GOLGA3: variants seen among roughly 807,000 people sequenced by gnomAD.
GOLGA3 encodes golgin A3, also known as golgin subfamily A member 3.
Under a neutral mutation model 169.4 loss-of-function variants are expected in GOLGA3, and 75 were observed. The observed-to-expected ratio is 0.44, with a 90% CI of 0.37 to 0.54. GOLGA3 has a LOEUF of 0.54. GOLGA3 is among the 20% of genes least tolerant of loss of function. The pLI is 0.00. For synonymous variants in GOLGA3, 824 were observed against 822.4 expected (o/e 1.00, Z -0.03); for missense variants, 1,899 against 1,930.0 (o/e 0.98, Z 0.30).
intron 3 of GOLGA3, among the ~76,000 whole-genome samples, chr12:132,816,177 G>A (rs1006744400): frequency 3.9e-5 from 6 of 152,124 alleles, no homozygotes; most frequent in Non-Finnish European, 7.4e-5. Flanking sequence ...CGGCCTGGGC[G>A]AAAGAGCGAG....
At position 132,773,307 on chromosome 12, in the gene GOLGA3, A is replaced by G. The variant is rs3741484; in HGVS notation, c.4308-13T>C. 1,197,531 of 1,331,994 alleles carry G rather than the reference A, an allele frequency of 0.9. 543,445 individuals are homozygous for G. The highest frequency in any genetic ancestry group is 0.93 in the Non-Finnish European group (945,913 of 1,017,816). 82.5% of individuals were successfully genotyped at this position (1,331,994 alleles called of 1,614,324 possible). On this transcript the variant is annotated splice_polypyrimidine_tract_variant and intron_variant, in intron 23 of 23. Coordinates refer to ENST00000450791, the MANE Select transcript of GOLGA3 (RefSeq NM_001389683.1). Reference sequence around the variant, plus strand: ...GTCCATCTCCTGCCTGGGACAGAAGAAGGAGGAAGAAGGCCCAGATCACAC... The same window carrying G: ...GTCCATCTCCTGCCTGGGACAGAAGGAGGAGGAAGAAGGCCCAGATCACAC...
At position 132,776,941 on chromosome 12, in the gene GOLGA3, C is replaced by G; in HGVS notation, c.3855+17G>C. The G allele has an allele frequency of 6.4e-7, 1 of 1,563,466 alleles. No homozygotes were observed. Among genetic ancestry groups the G allele is most frequent in the Non-Finnish European group, 8.7e-7 (1 of 1,154,732 alleles). On this transcript the variant is annotated intron_variant, in intron 20 of 23. Coordinates refer to ENST00000450791, the MANE Select transcript of GOLGA3 (RefSeq NM_001389683.1). ...CGTGAGTCCAGCCCTGCAAGTCCAG[C>G]CCCCGTGAACCGTCACCTCTTGGTT...
chr12:132,820,098 C>A (rs979738739), intron 2 of GOLGA3, among the ~76,000 whole-genome samples: 3 of 152,112 alleles, frequency 2.0e-5, no homozygotes, highest in African/African-American at 7.2e-5. Flanking sequence ...ATCGCTTGAA[C>A]CCGGGAGGCG....
chr12:132,796,147 T>C lies in GOLGA3; in HGVS notation c.2174A>G (p.Gln725Arg). Residue 725 changes from glutamine (Q) to arginine (R), a missense_variant, in exon 11 of 24, where the codon CAG becomes CGG. Transcript: ENST00000450791. Reference sequence around the variant, plus strand: ...CAGAGCCTCCTGAGTCAAGGTGAGCTGTTTCATCAGGTCCAGGTGCTCCTG... The same window carrying C: ...CAGAGCCTCCTGAGTCAAGGTGAGCCGTTTCATCAGGTCCAGGTGCTCCTG... ...LQQEHLDLMK[Q>R]LTLTQEALQS... The C allele has an allele frequency of 6.2e-7, 1 of 1,610,488 alleles. No homozygotes were observed.
chr12:132,801,402 G>A (rs1949120500), intron 8 of GOLGA3, among the ~76,000 whole-genome samples: 1 of 152,176 alleles, frequency 6.6e-6, no homozygotes, highest in South Asian at 2.1e-4. Context: ...CTGAGACCCA[G>A]GCAGATGAGG....
Position 132,808,119 on chromosome 12 carries a change from C to G in GOLGA3, c.950G>C (p.Ser317Thr), listed in dbSNP as rs764199879. Reference protein sequence around the residue: ...VSEVDGNDSDSSSYSSASTRG... With the variant: ...VSEVDGNDSDTSSYSSASTRG... ...GGTGGAGGCGCTGCTGTACGATGAG[C>G]TGTCGCTGTCATTTCCATCCACCTC... The change falls in exon 5 of 24, where the codon AGC becomes ACC. Residue 317 changes from serine to threonine, a missense_variant. By Grantham distance (58) the Ser-to-Thr change is moderately conservative. Coordinates refer to ENST00000450791, the MANE Select transcript of GOLGA3 (RefSeq NM_001389683.1). 1 of 1,605,386 alleles carries G rather than the reference C, an allele frequency of 6.2e-7. No homozygotes were observed. Among genetic ancestry groups the G allele is most frequent in the Non-Finnish European group, 8.5e-7 (1 of 1,174,698 alleles).
At chr12:132,790,052 C>T (rs980012557) in intron 12 of GOLGA3, among the ~76,000 whole-genome samples, 1 of 151,866 alleles carries the variant, frequency 6.6e-6, no homozygotes, top group Non-Finnish European at 1.5e-5. Context: ...AAATTACAGG[C>T]CGGGCGTGGT....
At chr12:132,775,888 T>TGG (rs1158626875) in intron 21 of GOLGA3, among the ~76,000 whole-genome samples, 3 of 152,252 alleles carry the variant, frequency 2.0e-5, no homozygotes, top group Non-Finnish European at 4.4e-5. Flanking sequence ...TTGGCAAACT[T>TGG]TTCCCACGCA....
chr12:132,786,306 G>T, intron 15 of GOLGA3, 33 bp downstream of exon 15: 2 of 1,446,026 alleles, frequency 1.4e-6, no homozygotes, highest in South Asian at 2.5e-5. Flanking sequence ...AGGGGCTGGT[G>T]ACCCTGGCCG....
At chr12:132,802,909 G>A (rs2136543043) in intron 7 of GOLGA3, among the ~76,000 whole-genome samples, 1 of 152,196 alleles carries the variant, frequency 6.6e-6, no homozygotes, top group East Asian at 1.9e-4. Flanking sequence ...TACAAAATTA[G>A]CCGGGCGCGG....
Position 132,804,573 on chromosome 12 carries a change from GC to G in GOLGA3, c.1597+142del. 1.5e-6 allele frequency: 1 copy of G among 680,230 alleles called. No homozygotes were observed. Among genetic ancestry groups the G allele is most frequent in the Admixed American group, 2.5e-5 (1 of 39,616 alleles). The allele number at this position is 680,230 out of a possible 1,614,324, so 42.1% of individuals were successfully genotyped here. A position where few individuals can be genotyped will look rare whatever the true frequency, so the allele number is the denominator to read the frequency against. On this transcript the variant is annotated intron_variant, in intron 7 of 23. Coordinates refer to ENST00000450791, the MANE Select transcript of GOLGA3 (RefSeq NM_001389683.1). This position sits in a 1 kb window ranked among gnomAD's most constrained non-coding sequence, Gnocchi z 4.1. ...GGACCAGTCGAGGAAGGAGGGAGCA[GC>G]GGGGACCAGTCGAGGAAGGAGGAGG...
intron 13 of GOLGA3, among the ~76,000 whole-genome samples, chr12:132,787,296 T>C (rs1461573177): frequency 1.3e-5 from 2 of 151,900 alleles, no homozygotes; most frequent in African/African-American, 4.8e-5. Flanking sequence ...CCAAACACTG[T>C]CCAGAGCATC....
rs748018303 is a variant in GOLGA3 at position 132,804,960 on chromosome 12, C to T, written c.1353G>A (p.Ala451=). ...GGCTGCTGTGGCTGCACTCCACCTG[C>T]GCCTGCAGCTTCGTGCTGAGGGCGG... The part of the protein sequence containing the change: ...QLAALSTKLQ[A]QVECSHSSQQ... Residue 451 remains alanine (A), a synonymous_variant, in exon 7 of 24, where the codon GCG becomes GCA. Transcript: ENST00000450791. The surrounding 1 kb of genome is among the most constrained non-coding windows in gnomAD (Gnocchi z 4.1). 16 of 1,613,160 alleles carry T rather than the reference C, an allele frequency of 9.9e-6. No individual in the cohort carries two copies. The highest frequency in any genetic ancestry group is 1.6e-4 in the Middle Eastern group (1 of 6,062).
chr12:132,822,133 A>G lies in GOLGA3; in HGVS notation c.-5T>C. ...CTCGGCCGACGCGCCGTCCATGGTCAGGACGACACCAGCTGAGCTGACGCT... is the reference window on the plus strand; with the variant it reads ...CTCGGCCGACGCGCCGTCCATGGTCGGGACGACACCAGCTGAGCTGACGCT... On this transcript the variant is annotated 5_prime_UTR_variant, in exon 2 of 24. Coordinates refer to ENST00000450791, the MANE Select transcript of GOLGA3 (RefSeq NM_001389683.1). The G allele has an allele frequency of 6.2e-7, 1 of 1,601,810 alleles. No individual in the cohort carries two copies. Among genetic ancestry groups the G allele is most frequent in the South Asian group, 1.1e-5 (1 of 89,938 alleles).
chr12:132,818,711 C>A (rs779265910), intron 2 of GOLGA3, among the ~76,000 whole-genome samples: 12 of 152,206 alleles, frequency 7.9e-5, no homozygotes, highest in African/African-American at 2.9e-4. Context: ...CTCACATTTA[C>A]AAAGGCTGAT....
intron 12 of GOLGA3, 52 bp from the exon 13 acceptor site, chr12:132,789,342 C>T (rs750276933): frequency 1.2e-5 from 17 of 1,476,982 alleles, no homozygotes; most frequent in East Asian, 7.0e-5. Context: ...GCGTGGGGGG[C>T]GTACCTGGGG....
intron 8 of GOLGA3, among the ~76,000 whole-genome samples, chr12:132,800,182 C>T (rs896229036): frequency 9.9e-5 from 15 of 152,106 alleles, no homozygotes; most frequent in Non-Finnish European, 1.6e-4. Context: ...AATGCTTTTC[C>T]GTATTGTTCT....
chr12:132,801,233 G>T (rs957033715), intron 8 of GOLGA3, among the ~76,000 whole-genome samples: 1 of 152,236 alleles, frequency 6.6e-6, no homozygotes, highest in East Asian at 1.9e-4. Context: ...CCAACAGGAC[G>T]TAGAAAATGC....
chr12:132,826,221 A>C, intron 1 of GOLGA3: 1 of 1,426,052 alleles, frequency 7.0e-7, no homozygotes, highest in Non-Finnish European at 9.4e-7. Context: ...CAATGAAATA[A>C]AGTTATTTTC....
Sources: gnomAD v4.1 joint callset for allele counts (sites outside exome capture counted in the v4.1 genomes callset) on GRCh38, gnomAD v4.1.1 for gene constraint, Gnocchi (gnomAD v3.1) non-coding constraint, MANE v1.5 for transcripts, NCBI Gene and HGNC (gene_info 2026-07-23, HGNC 2026-07-21) for gene names.